FAM149A: variants seen among roughly 807,000 people sequenced by gnomAD.
FAM149A encodes the protein protein FAM149A.
Under a neutral mutation model 78.2 loss-of-function variants are expected in FAM149A, and 71 were observed. The ratio of observed to expected loss-of-function variants is 0.91; its 90% CI spans 0.75 to 1.11. FAM149A has a LOEUF of 1.11. FAM149A is among the 50% of genes least tolerant of loss of function. The pLI, the probability that FAM149A is intolerant of heterozygous loss-of-function variation, is 0.00. For missense variants in FAM149A, 1,036 were observed against 971.0 expected (o/e 1.07, Z -0.89); for synonymous variants, 446 against 410.5 (o/e 1.09, Z -1.04).
intron 1 of FAM149A, among the ~76,000 whole-genome samples, chr4:186,147,547 C>G (rs1282962579): frequency 6.6e-6 from 1 of 152,134 alleles, no homozygotes; most frequent in East Asian, 1.9e-4. Flanking sequence ...CAAATTTGAA[C>G]CCCCCATTAT....
In FAM149A at chr4:186,163,709, A is replaced by T. The variant is rs1408471529; in HGVS notation, c.1889+76A>T. 5.6e-6 allele frequency: 6 copies of T among 1,074,550 alleles called. No homozygotes were observed. In the Admixed American group the frequency reaches 1.0e-4, roughly 18 times the overall value. The allele number at this position is 1,074,550 out of a possible 1,614,324, so 66.6% of individuals were successfully genotyped here. ...GCTTCTCAGTTAGGGTTTATGGATCATCCTGGACAAAGCATCCCTACCTAG... is the reference window on the plus strand; with the variant it reads ...GCTTCTCAGTTAGGGTTTATGGATCTTCCTGGACAAAGCATCCCTACCTAG... On this transcript the variant is annotated intron_variant, in intron 10 of 13. Transcript: ENST00000389354.
chr4:186,137,246 A>G (rs1429802442), intron 1 of FAM149A, among the ~76,000 whole-genome samples: 2 of 120,906 alleles, frequency 1.7e-5, no homozygotes, highest in Non-Finnish European at 1.7e-5. Flanking sequence ...GATGTTGCTG[A>G]CCCTCTTTTT....
chr4:186,157,522 T>C (rs1273490369), intron 7 of FAM149A, 43 bp from the exon 8 acceptor site: 1 of 1,581,036 alleles, frequency 6.3e-7, no homozygotes. Context: ...TTGTATTAGA[T>C]AATCTGATGT....
intron 8 of FAM149A, chr4:186,160,680 A>T: frequency 1.9e-5 from 9 of 480,330 alleles, no homozygotes; most frequent in Non-Finnish European, 2.4e-5. Flanking sequence ...ATACACACAC[A>T]CCTTCACACA....
intron 1 of FAM149A, among the ~76,000 whole-genome samples, chr4:186,108,581 G>C (rs918408321): frequency 1.3e-5 from 2 of 152,148 alleles, no homozygotes; most frequent in African/African-American, 4.8e-5. Flanking sequence ...ATGGAACAGA[G>C]GCTGCCCCTT....
chr4:186,151,764 A>T (rs1442763955), intron 3 of FAM149A, 139 bp from the exon 4 acceptor site: 5 of 1,439,138 alleles, frequency 3.5e-6, no homozygotes. Context: ...GGTGTGTCTG[A>T]CTGCAAAGCC....
chr4:186,127,320 A>G lies in FAM149A; in HGVS notation c.566+21678A>G, dbSNP rs878882026. 3 of 985,202 alleles carry G rather than the reference A, an allele frequency of 3.0e-6. No homozygotes were observed. The Admixed American group carries it at 1.8e-4, about 61-fold the overall frequency. 61.0% of individuals were successfully genotyped at this position (985,202 alleles called of 1,614,324 possible). ...GCACACTGCTGCTAGGAAGTATAAG[A>G]AGTAGGTTTACTTCACAGTAAACAT... On this transcript the variant is annotated intron_variant, in intron 1 of 13. Transcript: ENST00000389354.
chr4:186,161,177 G>T (rs934319952), intron 8 of FAM149A, among the ~76,000 whole-genome samples: 1 of 152,128 alleles, frequency 6.6e-6, no homozygotes, highest in African/African-American at 2.4e-5. Context: ...AGTCCTCTGG[G>T]AGTCAGAAGA....
At chr4:186,131,946 G>A (rs2099320902) in intron 1 of FAM149A, 1 of 985,466 alleles carries the variant, frequency 1.0e-6, no homozygotes, top group Middle Eastern at 5.2e-4. Flanking sequence ...CCCTTTAACT[G>A]TAGTTAATTG....
rs191895306 is a variant in FAM149A, at chr4:186,159,693, C to T, written c.1575+1974C>T. 1.8e-4 allele frequency among the ~76,000 whole-genome samples: 28 copies of T among 152,104 alleles called. No individual in the cohort carries two copies. The East Asian group carries it at 5.2e-3, about 28-fold the overall frequency. ...TACAGGGTCCAGCACATACTGAGCG[C>T]GTAATAAATTTTTCTTGAATTGCAT... On this transcript the variant is annotated intron_variant, in intron 8 of 13. Transcript: ENST00000389354.
rs1379849007 is a variant in FAM149A at position 186,144,984 on chromosome 4, G to T, written c.567-4189G>T. On this transcript the variant is annotated intron_variant, in intron 1 of 13. Transcript: ENST00000389354. This position sits in a 1 kb window ranked among gnomAD's most constrained non-coding sequence, Gnocchi z 4.2. The stretch of plus-strand genomic sequence containing the variant: ...GCGGGTGGGGAGCCCCAGCCCCGGG[G>T]CCGCGGGGGCGCGTGACCGGCTGTC... 3.1e-6 allele frequency: 3 copies of T among 976,256 alleles called. No individual in the cohort carries two copies. The highest frequency in any genetic ancestry group is 3.6e-6 in the Non-Finnish European group (3 of 826,144). The allele number at this position is 976,256 out of a possible 1,614,324, so 60.5% of individuals were successfully genotyped here.
At chr4:186,159,482 A>G (rs1257730455) in intron 8 of FAM149A, among the ~76,000 whole-genome samples, 1 of 152,084 alleles carries the variant, frequency 6.6e-6, no homozygotes, top group African/African-American at 2.4e-5. Context: ...GGGGATAAGA[A>G]ACTGGCAACT....
chr4:186,133,078 C>T (rs1327940398), intron 1 of FAM149A: 1 of 985,284 alleles, frequency 1.0e-6, no homozygotes, highest in Non-Finnish European at 1.2e-6. Flanking sequence ...ACTGCCCCCT[C>T]CTCCCTAGGC....
At chr4:186,159,018 T>A (rs1032669636) in intron 8 of FAM149A, among the ~76,000 whole-genome samples, 1 of 152,202 alleles carries the variant, frequency 6.6e-6, no homozygotes, top group African/African-American at 2.4e-5. Context: ...TTTTCTACAT[T>A]TTGGGAGATT....
chr4:186,117,861 C>A (rs2099314378), intron 1 of FAM149A: 2 of 960,368 alleles, frequency 2.1e-6, no homozygotes, highest in Non-Finnish European at 2.5e-6. Flanking sequence ...AGATATTGAA[C>A]TGACAAATCT....
intron 1 of FAM149A, chr4:186,109,834 G>T (rs1044137716): frequency 4.1e-6 from 4 of 985,174 alleles, no homozygotes; most frequent in Non-Finnish European, 4.8e-6. Context: ...TTATTTGGGA[G>T]AACAAATTAT....
chr4:186,111,369 T>A (rs1390439877), intron 1 of FAM149A, among the ~76,000 whole-genome samples: 3 of 151,522 alleles, frequency 2.0e-5, no homozygotes, highest in Non-Finnish European at 3.0e-5. Context: ...GATGGTAGTT[T>A]CTTTTGCTGT....
intron 1 of FAM149A, chr4:186,116,468 A>G: frequency 1.0e-6 from 1 of 984,362 alleles, no homozygotes; most frequent in Non-Finnish European, 1.2e-6. Flanking sequence ...CTGTCATTAA[A>G]GATAATAATG....
At chr4:186,126,981 C>G in intron 1 of FAM149A, 1 of 985,346 alleles carries the variant, frequency 1.0e-6, no homozygotes, top group Non-Finnish European at 1.2e-6. Context: ...TTATTGAAGA[C>G]TGGAATGGAA....
Sources: gnomAD v4.1 joint callset for allele counts (sites outside exome capture counted in the v4.1 genomes callset) on GRCh38, gnomAD v4.1.1 for gene constraint, Gnocchi (gnomAD v3.1) non-coding constraint, MANE v1.5 for transcripts, NCBI Gene and HGNC (gene_info 2026-07-23, HGNC 2026-07-21) for gene names.